The following FGD6 variants were observed in gnomAD, a reference collection of about 807,000 sequenced individuals.
The protein encoded by FGD6 is FYVE, RhoGEF and PH domain-containing protein 6.
In FGD6, 90 loss-of-function variants were observed where a neutral mutation model predicts 149.4. The observed-to-expected ratio is 0.60, with a 90% CI of 0.51 to 0.72. The LOEUF (loss-of-function observed/expected upper bound fraction) is 0.72. FGD6 is among the 30% of genes least tolerant of loss of function. FGD6 has a pLI of 0.00. For missense variants in FGD6, 1,437 were observed against 1,684.8 expected, an observed-to-expected ratio of 0.85 and a Z score of 2.57; for synonymous variants, 527 against 584.0, an observed-to-expected ratio of 0.90 and a Z score of 1.41.
intron 5 of FGD6, among the ~76,000 whole-genome samples, chr12:95,147,803 A>C (rs932279201): frequency 1.3e-5 from 2 of 152,206 alleles, no homozygotes; most frequent in East Asian, 3.8e-4. Context: ...TTGATGTAAC[A>C]TAGCATGCTG....
At chr12:95,199,967 G>C (rs1213946841) in intron 2 of FGD6, among the ~76,000 whole-genome samples, 1 of 151,998 alleles carries the variant, frequency 6.6e-6, no homozygotes, top group Admixed American at 6.6e-5. Context: ...GGGAAGGTGG[G>C]GATAAGCTAC....
chr12:95,106,168 C>T (rs1423378712), intron 13 of FGD6, among the ~76,000 whole-genome samples: 1 of 151,964 alleles, frequency 6.6e-6, no homozygotes, highest in Non-Finnish European at 1.5e-5. Flanking sequence ...CACTGTGTTG[C>T]CCAGGCTGGT....
rs776768743 is a variant in FGD6, at chr12:95,105,062, A to G, written c.3442T>C (p.Tyr1148His). 4.3e-6 allele frequency: 7 copies of G among 1,610,992 alleles called. No individual in the cohort carries two copies. Among genetic ancestry groups the G allele is most frequent in the Non-Finnish European group, 5.1e-6 (6 of 1,179,328 alleles). Residue 1148 changes from tyrosine (Y) to histidine (H), a missense_variant, in exon 14 of 21, where the codon TAT (tyrosine) becomes CAT (histidine). This residue lies in a region of FGD6 where 382 missense variants were observed against 538.7 expected (regional missense o/e 0.71). Transcript: ENST00000343958. ...MKVRKPTQEAYQNELKIESVE... is the reference protein window; with the variant it reads ...MKVRKPTQEAHQNELKIESVE... ...CTTTCAATCTTTAATTCATTCTGAT[A>G]GGCTTCTTGGGTAGGTTTTCTGACC...
intron 18 of FGD6, 89 bp from the exon 19 acceptor site, chr12:95,085,997 T>C (rs958762510): frequency 3.1e-5 from 38 of 1,232,850 alleles, no homozygotes; most frequent in Non-Finnish European, 4.2e-5. Flanking sequence ...CTGAAAGCAA[T>C]AACTGTAATG....
At chr12:95,111,150 C>T (rs1878810290) in intron 9 of FGD6, among the ~76,000 whole-genome samples, 1 of 152,036 alleles carries the variant, frequency 6.6e-6, no homozygotes, top group Non-Finnish European at 1.5e-5. Flanking sequence ...CCCCACTAAT[C>T]TTTGTATTTT....
chr12:95,105,125 C>T lies in FGD6; in HGVS notation c.3418-39G>A, dbSNP rs1356544852. 5 of 1,558,968 alleles carry T rather than the reference C, an allele frequency of 3.2e-6. No homozygotes were observed. The Admixed American group carries it at 9.9e-5, about 31-fold the overall frequency. On this transcript the variant is annotated intron_variant, in intron 13 of 20. Coordinates refer to ENST00000343958, the MANE Select transcript of FGD6 (RefSeq NM_018351.4). ...CAACAATTTGAGCCGACTCATCCTACTGAAAACCATATCAATGAGCTGAAG... is the reference window on the plus strand; with the variant it reads ...CAACAATTTGAGCCGACTCATCCTATTGAAAACCATATCAATGAGCTGAAG...
At chr12:95,185,426 G>A (rs1027821294) in intron 2 of FGD6, among the ~76,000 whole-genome samples, 2 of 152,122 alleles carry the variant, frequency 1.3e-5, no homozygotes, top group African/African-American at 2.4e-5. Context: ...ACATTTCTAC[G>A]AGGGAAGGAA....
chr12:95,193,111 A>C lies in FGD6; in HGVS notation c.2441+15732T>G, dbSNP rs113694659. On this transcript the variant is annotated intron_variant, in intron 2 of 20. Coordinates refer to ENST00000343958, the MANE Select transcript of FGD6 (RefSeq NM_018351.4). The stretch of plus-strand genomic sequence containing the variant: ...GTTTGGCAGCTTCTTATAAAACTAA[A>C]CATGCAATTCCCACACAACCCCTAA... Among the ~76,000 whole-genome samples, 439 of 152,338 alleles carry C rather than the reference A, an allele frequency of 2.9e-3. 2 individuals are homozygous for C. Among genetic ancestry groups the C allele is most frequent in the Non-Finnish European group, 4.1e-3 (280 of 68,032 alleles).
intron 2 of FGD6, among the ~76,000 whole-genome samples, chr12:95,186,831 T>C (rs937148184): frequency 6.6e-6 from 1 of 152,194 alleles, no homozygotes; most frequent in Non-Finnish European, 1.5e-5. Context: ...ACATACTAAG[T>C]AGGTGAAATT....
intron 2 of FGD6, 109 bp downstream of exon 2, chr12:95,208,734 A>G: frequency 7.9e-7 from 1 of 1,270,202 alleles, no homozygotes; most frequent in Non-Finnish European, 1.1e-6. Flanking sequence ...CATTTTCTAA[A>G]CTATTCCTTC....
intron 2 of FGD6, among the ~76,000 whole-genome samples, chr12:95,192,839 C>T (rs1029914278): frequency 5.3e-5 from 8 of 152,082 alleles, no homozygotes; most frequent in African/African-American, 1.9e-4. Flanking sequence ...GGTAGTGGAA[C>T]AAAGCCATGA....
At chr12:95,185,774 T>C (rs1017741029) in intron 2 of FGD6, among the ~76,000 whole-genome samples, 1 of 152,040 alleles carries the variant, frequency 6.6e-6, no homozygotes, top group East Asian at 1.9e-4. Flanking sequence ...GGCAGAAGAA[T>C]TGCTTGAACC....
intron 3 of FGD6, among the ~76,000 whole-genome samples, chr12:95,154,154 G>T (rs1027774501): frequency 6.6e-6 from 1 of 152,064 alleles, no homozygotes; most frequent in Admixed American, 6.6e-5. Context: ...TAGAGACGGG[G>T]TTTCACCATG....
chr12:95,191,336 C>A (rs1881583200), intron 2 of FGD6, among the ~76,000 whole-genome samples: 1 of 152,164 alleles, frequency 6.6e-6, no homozygotes, highest in Non-Finnish European at 1.5e-5. Context: ...TTCTCTTCTC[C>A]AAGGGAGCTT....
At chr12:95,099,680 C>T (rs570801651) in intron 14 of FGD6, among the ~76,000 whole-genome samples, 2 of 152,232 alleles carry the variant, frequency 1.3e-5, no homozygotes, top group South Asian at 4.2e-4. Flanking sequence ...ATCTGCTGGG[C>T]ACTCACTACC....
chr12:95,149,258 TTATATATTATATTACATATAGCA>T (rs797010708), intron 5 of FGD6, among the ~76,000 whole-genome samples: 1 of 30,448 alleles, frequency 3.3e-5, no homozygotes, highest in East Asian at 7.4e-4. Context: ...AGCATATATA[TTATATATTATATTACATATAGCA>T]TATATAATAT....
At chr12:95,156,405 C>T (rs553937045) in intron 3 of FGD6, among the ~76,000 whole-genome samples, 2 of 152,228 alleles carry the variant, frequency 1.3e-5, no homozygotes, top group African/African-American at 4.8e-5. Context: ...ATGAAATAAA[C>T]CCCAGTCTCC....
chr12:95,163,247 C>G (rs1488478181), intron 3 of FGD6, among the ~76,000 whole-genome samples: 1 of 152,112 alleles, frequency 6.6e-6, no homozygotes, highest in Admixed American at 6.6e-5. Context: ...TGTCCCTTTG[C>G]GCATATACCT....
intron 6 of FGD6, among the ~76,000 whole-genome samples, chr12:95,138,631 T>TC (rs1314011159): frequency 6.6e-6 from 1 of 152,058 alleles, no homozygotes; most frequent in Non-Finnish European, 1.5e-5. Context: ...CTCTTCCTCT[T>TC]CCCCATTTCT....
Sources: gnomAD v4.1 joint callset for allele counts (sites outside exome capture counted in the v4.1 genomes callset) on GRCh38, gnomAD v4.1.1 for gene constraint, gnomAD v4.1.1 regional missense constraint, MANE v1.5 for transcripts, NCBI Gene and HGNC (gene_info 2026-07-23, HGNC 2026-07-21) for gene names.